Variants in FAM221B observed in about 807,000 individuals in gnomAD.
The protein encoded by FAM221B is protein FAM221B.
Under a neutral mutation model 39.8 loss-of-function variants are expected in FAM221B, and 35 were observed. The observed-to-expected ratio is 0.88, with a 90% CI of 0.67 to 1.17. The LOEUF is 1.17. Ranked by LOEUF, FAM221B falls within the 50% of genes most tolerant of loss-of-function variation. FAM221B has a pLI of 0.00. For synonymous variants in FAM221B, 158 were observed against 178.1 expected (o/e 0.89, Z 0.90); for missense variants, 479 against 503.1 (o/e 0.95, Z 0.46).
rs1829043535 is a variant in FAM221B at position 35,817,366 on chromosome 9, T to G, written c.*1103A>C. ...CCCTACGTCTGCTACTGTACCTCAT[T>G]AGAGACTTCTCTTCCTTTGACTGCT... On this transcript the variant is annotated 3_prime_UTR_variant, in exon 7 of 7. Coordinates refer to ENST00000423537, the MANE Select transcript of FAM221B (RefSeq NM_001012446.4). 6.6e-6 allele frequency: 1 copy of G among 152,458 alleles called. No homozygotes were observed. Among genetic ancestry groups the G allele is most frequent in the Non-Finnish European group, 1.5e-5 (1 of 68,158 alleles). The allele number at this position is 152,458 out of a possible 1,614,324, so 9.4% of individuals were successfully genotyped here.
rs745761668 is a variant in FAM221B, at chr9:35,825,876, TATCC to T, written c.282_285del (p.Asp95ValfsTer29). ...TTCTCTGGCACCACTGAGATGGGAC[TATCC>T]AATGAAGCCTCATAGGTAGGGGTCT... is the stretch of plus-strand genomic sequence containing the variant. On this transcript the variant is annotated frameshift_variant, in exon 2 of 7. Transcript: ENST00000423537. LOFTEE classifies it high-confidence loss of function. The surrounding 1 kb of genome is among the most constrained non-coding windows in gnomAD (Gnocchi z 4.2). 70 of 1,614,106 alleles carry T rather than the reference TATCC, an allele frequency of 4.3e-5. No homozygotes were observed. The East Asian group carries it at 1.6e-3, about 36-fold the overall frequency.
intron 6 of FAM221B, 22 bp downstream of exon 6, chr9:35,818,868 C>T (rs1468689518): frequency 1.3e-6 from 2 of 1,551,188 alleles, no homozygotes; most frequent in Admixed American, 3.9e-5. Flanking sequence ...GAATGGCCCC[C>T]TGTCCCAGGT....
Position 35,818,515 on chromosome 9 carries a change from AG to A in FAM221B, c.1172-10del. 1 of 1,551,650 alleles carries A rather than the reference AG, an allele frequency of 6.4e-7. No homozygotes were observed. Among genetic ancestry groups the A allele is most frequent in the Non-Finnish European group, 8.7e-7 (1 of 1,146,950 alleles). ...GCTGACAGTGTCTGTCCCTGGAGGA[AG>A]AAAGAGCAGAGGTGAAAGGGTCAGG... is the stretch of plus-strand genomic sequence containing the variant. On this transcript the variant is annotated splice_polypyrimidine_tract_variant and intron_variant, in intron 6 of 6. Coordinates refer to ENST00000423537, the MANE Select transcript of FAM221B (RefSeq NM_001012446.4).
chr9:35,820,359 A>G (rs1829124235), intron 3 of FAM221B, among the ~76,000 whole-genome samples: 1 of 152,204 alleles, frequency 6.6e-6, no homozygotes, highest in Non-Finnish European at 1.5e-5. Flanking sequence ...AGGGATTCTC[A>G]TCTCCTCTCC....
intron 3 of FAM221B, among the ~76,000 whole-genome samples, chr9:35,822,128 C>T (rs1228863080): frequency 6.6e-6 from 1 of 152,208 alleles, no homozygotes; most frequent in East Asian, 1.9e-4. Flanking sequence ...GTCTACTAGA[C>T]TCTTGGGCCA....
At position 35,819,275 on chromosome 9, in the gene FAM221B, C is replaced by A; in HGVS notation, c.973G>T (p.Ala325Ser). Residue 325 changes from alanine (A) to serine (S), a missense_variant, in exon 5 of 7, where the codon GCC (alanine) becomes TCC (serine). Transcript: ENST00000423537. ...TTGCAGCGACATTGGGCCCTCCAGG[C>A]CTTGGGGTCAAAGGTGGCCCGTCTC... ...LKRRATFDPK[A>S]WRAQCRCKHS... The A allele has an allele frequency of 1.3e-6, 2 of 1,551,762 alleles. No individual in the cohort carries two copies. The highest frequency in any genetic ancestry group is 2.4e-5 in the South Asian group (2 of 84,066).
At position 35,828,089 on chromosome 9, in the gene FAM221B, C is replaced by T. The variant is rs1403038529; in HGVS notation, c.-1+374G>A. Among the ~76,000 whole-genome samples the T allele has an allele frequency of 1.3e-5, 2 of 151,966 alleles. No homozygotes were observed. The highest frequency in any genetic ancestry group is 1.9e-4 in the East Asian group (1 of 5,192). ...GGTGGATCACTTGAGGTCAGGAGTT[C>T]GAGACCAGCCTGGCCAACATGGTGA... On this transcript the variant is annotated intron_variant, in intron 1 of 6. Transcript: ENST00000423537. The surrounding 1 kb of genome is among the most constrained non-coding windows in gnomAD (Gnocchi z 4.5).
chr9:35,825,896 G>T lies in FAM221B; in HGVS notation c.266C>A (p.Thr89Asn), dbSNP rs1829334997. 6.2e-7 allele frequency: 1 copy of T among 1,614,152 alleles called. No individual in the cohort carries two copies. Among genetic ancestry groups the T allele is most frequent in the Non-Finnish European group, 8.5e-7 (1 of 1,180,028 alleles). ...SISETPSETP[T>N]YEASLDSPIS... ...GGGACTATCCAATGAAGCCTCATAG[G>T]TAGGGGTCTCTGAAGGAGTCTCAGA... is the stretch of plus-strand genomic sequence containing the variant. The change falls in exon 2 of 7, where the codon ACC becomes AAC. Residue 89 changes from threonine to asparagine, a missense_variant. By Grantham distance (65) the Thr-to-Asn change is moderately conservative (BLOSUM62 0). Coordinates refer to ENST00000423537, the MANE Select transcript of FAM221B (RefSeq NM_001012446.4). This position sits in a 1 kb window ranked among gnomAD's most constrained non-coding sequence, Gnocchi z 4.2.
chr9:35,825,294 A>G lies in FAM221B; in HGVS notation c.678T>C (p.Phe226=), dbSNP rs77950814. ...GGAAAAGATTGTTCACTTGAGCACC[A>G]AACTCCTCTCTATGCATTGCCTTAG... is the stretch of plus-strand genomic sequence containing the variant. ...EVAKAMHREE[F]GAQVNNLFQW... The change falls in exon 3 of 7, where the codon TTT becomes TTC. Residue 226 remains phenylalanine, a synonymous_variant. Coordinates refer to ENST00000423537, the MANE Select transcript of FAM221B (RefSeq NM_001012446.4). The surrounding 1 kb of genome is among the most constrained non-coding windows in gnomAD (Gnocchi z 4.2). 3,712 of 1,614,236 alleles carry G rather than the reference A, an allele frequency of 2.3e-3. 78 individuals carry two copies. The African/African-American group carries it at 0.044, about 19-fold the overall frequency.
rs773811023 is a variant in FAM221B, at chr9:35,825,505, A to G, written c.598+59T>C. 1.9e-6 allele frequency: 3 copies of G among 1,573,766 alleles called. No individual in the cohort carries two copies. Among genetic ancestry groups the G allele is most frequent in the Non-Finnish European group, 2.6e-6 (3 of 1,153,804 alleles). On this transcript the variant is annotated intron_variant, in intron 2 of 6. Transcript: ENST00000423537. This position sits in a 1 kb window ranked among gnomAD's most constrained non-coding sequence, Gnocchi z 4.2. ...AAGGACAGTGAATAGTAGTGAGAACAGGACAGGGGAGAGGACAGGTACAAT... is the reference window on the plus strand; with the variant it reads ...AAGGACAGTGAATAGTAGTGAGAACGGGACAGGGGAGAGGACAGGTACAAT...
In FAM221B at chr9:35,816,688, G is replaced by A. The variant is rs1398072086; in HGVS notation, c.*1781C>T. 1 of 152,136 alleles carries A rather than the reference G, an allele frequency of 6.6e-6. No homozygotes were observed. Among genetic ancestry groups the A allele is most frequent in the Non-Finnish European group, 1.5e-5 (1 of 68,024 alleles). The allele number at this position is 152,136 out of a possible 1,614,324, so 9.4% of individuals were successfully genotyped here. A position where few individuals can be genotyped will look rare whatever the true frequency, so the allele number is the denominator to read the frequency against. ...TATCATGGGGCATATAACCACTGTTGGGGAACTTTGCTTCTAGAGATATAA... is the reference window on the plus strand; with the variant it reads ...TATCATGGGGCATATAACCACTGTTAGGGAACTTTGCTTCTAGAGATATAA... On this transcript the variant is annotated 3_prime_UTR_variant, in exon 7 of 7. Transcript: ENST00000423537.
chr9:35,818,142 T>G lies in FAM221B; in HGVS notation c.*327A>C. On this transcript the variant is annotated 3_prime_UTR_variant, in exon 7 of 7. Transcript: ENST00000423537. ...AGTGTGAAACTGCACTCTCCGATGT[T>G]CCCAAAGATCTTCTAATTGCAAAAC... 2.9e-6 allele frequency: 1 copy of G among 349,378 alleles called. No homozygotes were observed. The highest frequency in any genetic ancestry group is 4.1e-5 in the Admixed American group (1 of 24,270). The allele number at this position is 349,378 out of a possible 1,614,324, so 21.6% of individuals were successfully genotyped here. A position where few individuals can be genotyped will look rare whatever the true frequency, so the allele number is the denominator to read the frequency against.
rs1425817947 is a variant in FAM221B, at chr9:35,819,305, GC to G, written c.942del (p.Trp314CysfsTer97). The G allele has an allele frequency of 2.6e-6, 4 of 1,551,602 alleles. No individual in the cohort carries two copies. The highest frequency in any genetic ancestry group is 3.5e-6 in the Non-Finnish European group (4 of 1,146,998). On this transcript the variant is annotated frameshift_variant, in exon 5 of 7. Transcript: ENST00000423537. LOFTEE classifies it high-confidence loss of function. ...GGGTCAAAGGTGGCCCGTCTCTTGA[GC>G]CAGAACTCACCCACCTCCTCTGGGC... ...PSRPEEVGEF[W>X]LKRRATFDPK...
rs1197626629 is a variant in FAM221B at position 35,818,470 on chromosome 9, C to T, written c.1208G>A (p.Ter403=). The T allele has an allele frequency of 6.4e-7, 1 of 1,551,724 alleles. No individual in the cohort carries two copies. The change falls in exon 7 of 7, where the codon TGA becomes TAA. Residue 403 remains the stop codon, a stop_retained_variant. Coordinates refer to ENST00000423537, the MANE Select transcript of FAM221B (RefSeq NM_001012446.4). ...TTTTATTGCTGATCTGGGCCAGACTCACAAAGGCCTGTGCCAGTTGCTGAC... is the reference window on the plus strand; with the variant it reads ...TTTTATTGCTGATCTGGGCCAGACTTACAAAGGCCTGTGCCAGTTGCTGAC... ...DTVSNWHRPL[*] is the part of the protein sequence containing the mutation.
chr9:35,828,546 G>GAGGAAA lies in FAM221B; in HGVS notation c.-90_-85dup. 1.0e-6 allele frequency: 1 copy of GAGGAAA among 985,508 alleles called. No individual in the cohort carries two copies. The highest frequency in any genetic ancestry group is 1.2e-6 in the Non-Finnish European group (1 of 829,978). The allele number at this position is 985,508 out of a possible 1,614,324, so 61.0% of individuals were successfully genotyped here. A position where few individuals can be genotyped will look rare whatever the true frequency, so the allele number is the denominator to read the frequency against. ...GCAGGGGGAGGTGTTGATCCTCAGG[G>GAGGAAA]AGGAAAGGCTCTTGGTTGTGGATGT... On this transcript the variant is annotated 5_prime_UTR_variant, in exon 1 of 7. Coordinates refer to ENST00000423537, the MANE Select transcript of FAM221B (RefSeq NM_001012446.4). This position sits in a 1 kb window ranked among gnomAD's most constrained non-coding sequence, Gnocchi z 4.5.
At chr9:35,823,227 G>T (rs1462813308) in intron 3 of FAM221B, among the ~76,000 whole-genome samples, 1 of 152,098 alleles carries the variant, frequency 6.6e-6, no homozygotes, top group Non-Finnish European at 1.5e-5. Context: ...TGCTCATGCA[G>T]CAGTCTAGGA....
intron 4 of FAM221B, 61 bp from the exon 5 acceptor site, chr9:35,819,455 C>A: frequency 6.9e-7 from 1 of 1,440,820 alleles, no homozygotes; most frequent in East Asian, 2.5e-5. Context: ...CTCATGCCAA[C>A]CCCATCCTCC....
intron 3 of FAM221B, chr9:35,821,665 A>T (rs971878624): frequency 7.4e-7 from 1 of 1,353,488 alleles, no homozygotes; most frequent in African/African-American, 1.5e-5. Flanking sequence ...GCAGGAGGTG[A>T]GGCCCAAAGA....
In FAM221B at chr9:35,828,659, A is replaced by C. The variant is rs916150952; in HGVS notation, c.-197T>G. 1.0e-6 allele frequency: 1 copy of C among 985,424 alleles called. No individual in the cohort carries two copies. The highest frequency in any genetic ancestry group is 1.2e-6 in the Non-Finnish European group (1 of 830,006). The allele number at this position is 985,424 out of a possible 1,614,324, so 61.0% of individuals were successfully genotyped here. On this transcript the variant is annotated 5_prime_UTR_variant, in exon 1 of 7. Transcript: ENST00000423537. This position sits in a 1 kb window ranked among gnomAD's most constrained non-coding sequence, Gnocchi z 4.5. ...GACTTGGATATCTGCAGAACTTCGC[A>C]AAGGAGCTCTGGCATGACCTGGGGA...
Sources: allele counts gnomAD v4.1 joint callset (sites outside exome capture counted in the v4.1 genomes callset), GRCh38; gene constraint gnomAD v4.1.1; non-coding constraint Gnocchi (gnomAD v3.1); transcripts MANE v1.5; gene names NCBI Gene and HGNC (gene_info 2026-07-23, HGNC 2026-07-21).